SLC27A5: variants seen among roughly 807,000 people sequenced by gnomAD.
The protein encoded by SLC27A5 is solute carrier family 27 member 5, also known as long-chain fatty acid transport protein 5.
SLC27A5 carries 47 observed loss-of-function variants against 63.1 expected under a neutral mutation model. That is an observed-to-expected ratio of 0.74 (90% CI 0.59 to 0.95). SLC27A5 has a LOEUF of 0.95. Ranked by LOEUF, SLC27A5 falls within the 40% of genes least tolerant of loss-of-function variation. The pLI is 0.00. For missense variants in SLC27A5, 940 were observed against 921.0 expected (o/e 1.02, Z -0.27); for synonymous variants, 391 against 403.8 (o/e 0.97, Z 0.38).
intron 7 of SLC27A5, 57 bp downstream of exon 7, chr19:58,499,435 A>T: frequency 1.9e-6 from 3 of 1,578,914 alleles, no homozygotes; most frequent in Non-Finnish European, 2.6e-6. Context: ...TCCCTCTAGG[A>T]TCTGAAAGCG....
At chr19:58,504,136 A>G (rs2053314915) in intron 3 of SLC27A5, among the ~76,000 whole-genome samples, 2 of 152,038 alleles carry the variant, frequency 1.3e-5, no homozygotes, top group Non-Finnish European at 2.9e-5. Flanking sequence ...CCAAACCAAA[A>G]CAGCCCATTG....
chr19:58,501,464 A>C (rs748294548), intron 3 of SLC27A5, 54 bp from the exon 4 acceptor site: 248 of 1,593,360 alleles, frequency 1.6e-4, no homozygotes, highest in Non-Finnish European at 2.0e-4. Flanking sequence ...TTGTTGTAAG[A>C]AGCTGCTTTT....
rs755301099 is a variant in SLC27A5, at chr19:58,509,877, C to G, written c.1027G>C (p.Val343Leu). 6.2e-7 allele frequency: 1 copy of G among 1,613,394 alleles called. No homozygotes were observed. The highest frequency in any genetic ancestry group is 1.7e-5 in the Admixed American group (1 of 59,970). ...TCTAAGCAGCCGAGGATCCCAACGA[C>G]AAGTCCCATCACGTGGTACAGAGGC... is the stretch of plus-strand genomic sequence containing the variant. Reference protein sequence around the residue: ...VLPLYHVMGLVVGILGCLDLG... With the variant: ...VLPLYHVMGLLVGILGCLDLG... Residue 343 changes from valine (V) to leucine (L), a missense_variant, in exon 3 of 10, where the codon GTC becomes CTC. By Grantham distance (32) the Val-to-Leu change is conservative. Coordinates refer to ENST00000263093, the MANE Select transcript of SLC27A5 (RefSeq NM_012254.3).
intron 6 of SLC27A5, 70 bp downstream of exon 6, chr19:58,500,269 C>G: frequency 7.6e-7 from 1 of 1,313,620 alleles, no homozygotes; most frequent in South Asian, 1.2e-5. Context: ...TTGAGCAGCT[C>G]GTTCCAGCCA....
rs2053400641 is a variant in SLC27A5 at position 58,510,767 on chromosome 19, G to A, written c.852C>T (p.Ile284=). 1.2e-6 allele frequency: 2 copies of A among 1,613,326 alleles called. No homozygotes were observed. The highest frequency in any genetic ancestry group is 1.7e-6 in the Non-Finnish European group (2 of 1,179,810). ...TGAAGAGGGCAGGGCTTCTCCATGT[G>A]ATCCCAGCACGCAGGTCAGCAGGCA... ...HPVPADLRAG[I]TWRSPALFIY... is the part of the protein sequence containing the mutation. The change falls in exon 2 of 10, where the codon ATC becomes ATT. Residue 284 remains isoleucine (I), a synonymous_variant. Coordinates refer to ENST00000263093, the MANE Select transcript of SLC27A5 (RefSeq NM_012254.3).
intron 3 of SLC27A5, among the ~76,000 whole-genome samples, chr19:58,505,604 G>C (rs926589374): frequency 1.3e-5 from 2 of 151,588 alleles, no homozygotes; most frequent in African/African-American, 2.4e-5. Context: ...AGCACTTTGC[G>C]AGGCTGAGGT....
Position 58,499,668 on chromosome 19 carries a change from G to A in SLC27A5, c.1491C>T (p.Thr497=). The A allele has an allele frequency of 6.2e-7, 1 of 1,612,032 alleles. No individual in the cohort carries two copies. The highest frequency in any genetic ancestry group is 2.2e-5 in the East Asian group (1 of 44,872). The change falls in exon 7 of 10, where the codon ACC becomes ACT. Residue 497 remains threonine, a synonymous_variant. Transcript: ENST00000263093. ...VGLGEPGLLL[T]KVVSQQPFVG... ...CGAAGGGTTGCTGGCTTACCACCTT[G>A]GTCAGCAGCAGCCCCGGCTCCCCTG...
Position 58,502,642 on chromosome 19 carries a change from A to C in SLC27A5, c.1058-1232T>G. On this transcript the variant is annotated intron_variant, in intron 3 of 9. Coordinates refer to ENST00000263093, the MANE Select transcript of SLC27A5 (RefSeq NM_012254.3). The stretch of plus-strand genomic sequence containing the variant: ...GAGAAGATGGATGTGTGGACAGAGT[A>C]GTGAGTGAGAAGATGGATGGGTGAA... Among the ~76,000 whole-genome samples the C allele has an allele frequency of 1.5e-5, 2 of 135,452 alleles. 1 individual carries two copies. The highest frequency in any genetic ancestry group is 4.5e-4 in the East Asian group (2 of 4,490). The allele number at this position is 135,452 out of a possible 152,430, so 88.9% of individuals were successfully genotyped here. A position where few individuals can be genotyped will look rare whatever the true frequency, so the allele number is the denominator to read the frequency against.
rs184994408 is a variant in SLC27A5 at position 58,498,518 on chromosome 19, G to C, written c.2070C>G (p.Leu690=). The change falls in exon 10 of 10, where the codon CTC becomes CTG. Residue 690 remains leucine, a synonymous_variant. Transcript: ENST00000263093. ...CCCCAGTGGGTTGGCCAGGTGATCA[G>C]AGCCTCCAGGTTCCCTCACACACAG... ...YQAVCEGTWR[L] is the part of the protein sequence containing the mutation. The C allele has an allele frequency of 1.4e-4, 224 of 1,609,804 alleles. 3 individuals are homozygous for C. In the East Asian group the frequency reaches 4.6e-3, roughly 33 times the overall value.
chr19:58,506,591 A>G (rs1247078595), intron 3 of SLC27A5, among the ~76,000 whole-genome samples: 2 of 152,044 alleles, frequency 1.3e-5, no homozygotes, highest in Non-Finnish European at 2.9e-5. Context: ...AACTGGCAAC[A>G]TGTTAACAAT....
At chr19:58,499,829 G>A in intron 6 of SLC27A5, 139 bp from the exon 7 acceptor site, 1 of 745,322 alleles carries the variant, frequency 1.3e-6, no homozygotes, top group South Asian at 1.8e-5. Flanking sequence ...GAGATCCAGA[G>A]ATGAGAGAGA....
intron 3 of SLC27A5, among the ~76,000 whole-genome samples, chr19:58,505,628 G>A (rs1411764846): frequency 6.6e-6 from 1 of 150,828 alleles, no homozygotes; most frequent in Admixed American, 6.6e-5. Context: ...CGGATCACCT[G>A]AGGTCGGGAG....
chr19:58,510,833 C>T lies in SLC27A5; in HGVS notation c.786G>A (p.Gly262=). The change falls in exon 2 of 10, where the codon GGG becomes GGA. Residue 262 remains glycine (G), a synonymous_variant. Transcript: ENST00000263093. ...LSHTSPTPGV[G]ALGAALDAAP... The stretch of plus-strand genomic sequence containing the variant: ...CTGCATCCAGGGCAGCCCCCAGAGC[C>T]CCCACCCCTGGTGTAGGGGAGGTAT... 6.2e-7 allele frequency: 1 copy of T among 1,613,380 alleles called. No individual in the cohort carries two copies. Among genetic ancestry groups the T allele is most frequent in the Non-Finnish European group, 8.5e-7 (1 of 1,179,802 alleles).
chr19:58,505,053 T>C (rs1393535522), intron 3 of SLC27A5, among the ~76,000 whole-genome samples: 1 of 150,682 alleles, frequency 6.6e-6, no homozygotes, highest in Non-Finnish European at 1.5e-5. Flanking sequence ...TTAACAATTA[T>C]TGAAGCTGGG....
In SLC27A5 at chr19:58,501,389, G is replaced by A. The variant is rs1409394530; in HGVS notation, c.1079C>T (p.Pro360Leu). ...LDLGATCVLA[P>L]KFSTSCFWDD... ...CCAGAAGCAGGAAGTAGAGAACTTG[G>A]GGGCCAGAACACAGGTGGCTCCTGG... The change falls in exon 4 of 10, where the codon CCC becomes CTC. Residue 360 changes from proline (P) to leucine (L), a missense_variant. Pro to Leu is a moderately conservative substitution (Grantham distance 98). Transcript: ENST00000263093. The A allele has an allele frequency of 2.5e-6, 4 of 1,613,550 alleles. No homozygotes were observed. The African/African-American group carries it at 4.0e-5, about 16-fold the overall frequency.
intron 4 of SLC27A5, 72 bp downstream of exon 4, chr19:58,501,214 C>T: frequency 6.4e-7 from 1 of 1,563,082 alleles, no homozygotes; most frequent in South Asian, 1.2e-5. Flanking sequence ...GTACCTGAAT[C>T]TTTACCTGAG....
At chr19:58,507,690 G>A (rs999882773) in intron 3 of SLC27A5, 3 of 152,152 alleles carry the variant, frequency 2.0e-5, no homozygotes, top group Non-Finnish European at 4.4e-5. Flanking sequence ...AAGTAGGAGA[G>A]ATATTGCTAA....
chr19:58,506,834 C>T (rs2053353317), intron 3 of SLC27A5, among the ~76,000 whole-genome samples: 1 of 151,812 alleles, frequency 6.6e-6, no homozygotes, highest in East Asian at 2.0e-4. Flanking sequence ...GTCTCAAACT[C>T]CTGATTTCAG....
At position 58,500,715 on chromosome 19, in the gene SLC27A5, A is replaced by AT. The variant is rs751422825; in HGVS notation, c.1183-10dup. On this transcript the variant is annotated splice_polypyrimidine_tract_variant and intron_variant, in intron 4 of 9. Transcript: ENST00000263093. The stretch of plus-strand genomic sequence containing the variant: ...GTCCGGTCCTCTGGTTGCTACAGGA[A>AT]TGTCCCCAGAAGGGTGAGGAGGAGG... 2.5e-5 allele frequency: 40 copies of AT among 1,610,412 alleles called. No homozygotes were observed. The highest frequency in any genetic ancestry group is 3.3e-5 in the Non-Finnish European group (39 of 1,177,302).
Sources: gnomAD v4.1 joint callset for allele counts (sites outside exome capture counted in the v4.1 genomes callset) on GRCh38, gnomAD v4.1.1 for gene constraint, MANE v1.5 for transcripts, NCBI Gene and HGNC (gene_info 2026-07-23, HGNC 2026-07-21) for gene names.